Variants in GNPTAB observed in about 807,000 individuals in gnomAD.
GNPTAB encodes the protein N-acetylglucosamine-1-phosphotransferase subunits alpha/beta.
Under a neutral mutation model 136.6 loss-of-function variants are expected in GNPTAB, and 92 were observed. The ratio of observed to expected loss-of-function variants is 0.67; its 90% CI spans 0.57 to 0.80. The LOEUF (loss-of-function observed/expected upper bound fraction) is 0.80, where lower values mean the gene tolerates loss of function less well. Among genes scored for constraint, GNPTAB ranks in the 30% least tolerant of loss-of-function variants. The pLI is 0.00. For missense variants in GNPTAB, 1,343 were observed against 1,501.8 expected, an observed-to-expected ratio of 0.89 and a Z score of 1.75; for synonymous variants, 512 against 535.1, an observed-to-expected ratio of 0.96 and a Z score of 0.60.
intron 5 of GNPTAB, among the ~76,000 whole-genome samples, chr12:101,782,276 T>C (rs980306025): frequency 2.0e-5 from 3 of 152,086 alleles, no homozygotes; most frequent in African/African-American, 4.8e-5. Flanking sequence ...TACACTAAAA[T>C]AGGTATTTGA....
intron 5 of GNPTAB, among the ~76,000 whole-genome samples, chr12:101,781,872 T>C (rs778963379): frequency 1.2e-4 from 19 of 152,236 alleles, no homozygotes; most frequent in Non-Finnish European, 2.2e-4. Context: ...GTATATGTAT[T>C]TGTAATCTCA....
chr12:101,767,939 T>C, intron 11 of GNPTAB, 98 bp downstream of exon 11: 1 of 1,289,518 alleles, frequency 7.8e-7, no homozygotes, highest in South Asian at 1.2e-5. Flanking sequence ...TATTAATACA[T>C]AAAGAATGTT....
At chr12:101,757,551 G>T in intron 17 of GNPTAB, 21 bp downstream of exon 17, 1 of 1,106,588 alleles carries the variant, frequency 9.0e-7, no homozygotes, top group Non-Finnish European at 1.4e-6. Flanking sequence ...TAAACAAAGG[G>T]AGTATGCGTG....
intron 1 of GNPTAB, among the ~76,000 whole-genome samples, chr12:101,802,946 C>A (rs1869729303): frequency 6.6e-6 from 1 of 152,108 alleles, no homozygotes. Flanking sequence ...CATGAGGAGA[C>A]CTCCTGGGCT....
At position 101,780,239 on chromosome 12, in the gene GNPTAB, A is replaced by G. The variant is rs2137137039; in HGVS notation, c.684T>C (p.Ala228=). The stretch of plus-strand genomic sequence containing the variant: ...ATGTTGGTGGAAATCCACTCAGGAA[A>G]GCCAAATCTTGCATTAGCACTAATC... ...VPGLVLMQDL[A]FLSGFPPTFK... is the part of the protein sequence containing the mutation. The change falls in exon 7 of 21, where the codon GCT becomes GCC. Residue 228 remains alanine, a synonymous_variant. Transcript: ENST00000299314. 6.2e-7 allele frequency: 1 copy of G among 1,613,856 alleles called. No homozygotes were observed. The highest frequency in any genetic ancestry group is 2.2e-5 in the East Asian group (1 of 44,868).
rs1566105919 is a variant in GNPTAB at position 101,830,616 on chromosome 12, G to C, written c.60C>G (p.Leu20=). ...CAACGACGCCCAAGAAGCACACGTA[G>C]AGCCCATACCTGTGGGACAGGCAGG... ...TYTCLSHRYG[L]YVCFLGVVVT... is the part of the protein sequence containing the mutation. The change falls in exon 1 of 21, where the codon CTC becomes CTG. Residue 20 remains leucine (L), a synonymous_variant. Coordinates refer to ENST00000299314, the MANE Select transcript of GNPTAB (RefSeq NM_024312.5). The C allele has an allele frequency of 4.3e-6, 7 of 1,613,218 alleles. No homozygotes were observed. Among genetic ancestry groups the C allele is most frequent in the Non-Finnish European group, 5.9e-6 (7 of 1,179,408 alleles).
chr12:101,753,220 T>A, intron 19 of GNPTAB, 152 bp downstream of exon 19: 1 of 663,836 alleles, frequency 1.5e-6, no homozygotes, highest in South Asian at 1.8e-5. Context: ...GCCATTGCAC[T>A]CCAGCTTGGG....
chr12:101,801,727 A>G (rs1869650443), intron 1 of GNPTAB, among the ~76,000 whole-genome samples: 1 of 151,766 alleles, frequency 6.6e-6, no homozygotes, highest in Non-Finnish European at 1.5e-5. Context: ...TGTATGAAGG[A>G]AAAAAATAAA....
At chr12:101,761,890 A>C in intron 13 of GNPTAB, 127 bp from the exon 14 acceptor site, 1 of 747,284 alleles carries the variant, frequency 1.3e-6, no homozygotes, top group South Asian at 1.5e-5. Flanking sequence ...AATGAAATAC[A>C]TGTTAACGGG....
chr12:101,747,338 T>C (rs1952748839), intron 20 of GNPTAB, 97 bp from the exon 21 acceptor site: 2 of 723,670 alleles, frequency 2.8e-6, no homozygotes, highest in Admixed American at 2.0e-5. Context: ...CCTTAATCAT[T>C]TCCACAATCT....
chr12:101,758,022 T>A (rs558954544), intron 16 of GNPTAB, among the ~76,000 whole-genome samples: 1 of 150,262 alleles, frequency 6.7e-6, no homozygotes, highest in Non-Finnish European at 1.5e-5. Flanking sequence ...GACCCACAAA[T>A]AGTCTCATAG....
intron 2 of GNPTAB, among the ~76,000 whole-genome samples, chr12:101,794,584 G>A (rs1869176629): frequency 6.6e-6 from 1 of 152,106 alleles, no homozygotes; most frequent in South Asian, 2.1e-4. Context: ...ATTAGACCAT[G>A]TGAAATGTTA....
chr12:101,775,005 A>G (rs898720342), intron 7 of GNPTAB, among the ~76,000 whole-genome samples: 8 of 152,240 alleles, frequency 5.3e-5, no homozygotes, highest in African/African-American at 1.9e-4. Context: ...ACATATCTGC[A>G]AATACTCCCG....
At chr12:101,772,432 AG>A (rs140576227) in intron 7 of GNPTAB, among the ~76,000 whole-genome samples, 3,217 of 152,308 alleles carry the variant, frequency 0.021, 51 homozygotes, top group African/African-American at 0.039. Context: ...ACCAGAGGTG[AG>A]AGTTAGAAAT....
intron 7 of GNPTAB, among the ~76,000 whole-genome samples, chr12:101,776,074 A>C (rs1164305361): frequency 1.3e-5 from 2 of 150,512 alleles, no homozygotes; most frequent in Non-Finnish European, 2.9e-5. Flanking sequence ...ATGTGACTAT[A>C]AATGCTTGAG....
At chr12:101,773,849 A>C (rs911283824) in intron 7 of GNPTAB, 2 of 152,176 alleles carry the variant, frequency 1.3e-5, no homozygotes, top group Non-Finnish European at 2.9e-5. Context: ...TTTGTGCCTA[A>C]GGCTGGAGTT....
intron 1 of GNPTAB, among the ~76,000 whole-genome samples, chr12:101,816,790 A>G (rs1250956652): frequency 6.6e-6 from 1 of 152,226 alleles, no homozygotes; most frequent in East Asian, 1.9e-4. Context: ...ATTTGGAGGC[A>G]AGCTAAGTGT....
At chr12:101,758,457 G>A (rs1168225204) in intron 16 of GNPTAB, among the ~76,000 whole-genome samples, 2 of 152,194 alleles carry the variant, frequency 1.3e-5, no homozygotes, top group Non-Finnish European at 2.9e-5. Context: ...CTATAGGCAC[G>A]TGCCACCGTG....
At chr12:101,790,842 C>G (rs569055858) in intron 2 of GNPTAB, among the ~76,000 whole-genome samples, 4 of 151,680 alleles carry the variant, frequency 2.6e-5, no homozygotes, top group Non-Finnish European at 5.9e-5. Context: ...CTTGCTCCCC[C>G]GCAAGCCTGC....
Sources: allele counts gnomAD v4.1 joint callset (sites outside exome capture counted in the v4.1 genomes callset), GRCh38; gene constraint gnomAD v4.1.1; transcripts MANE v1.5; gene names NCBI Gene and HGNC (gene_info 2026-07-23, HGNC 2026-07-21).